The following MAN2A1 variants were observed in gnomAD, a reference collection of about 807,000 sequenced individuals.
The protein encoded by MAN2A1 is mannosidase alpha class 2A member 1.
A neutral mutation model predicts 142.6 loss-of-function variants in MAN2A1; 76 were observed. The ratio of observed to expected loss-of-function variants is 0.53; its 90% CI spans 0.44 to 0.65. The LOEUF is 0.65. Among genes scored for constraint, MAN2A1 ranks in the 30% least tolerant of loss-of-function variants. MAN2A1 has a pLI of 0.00. For missense variants in MAN2A1, 1,311 were observed against 1,365.1 expected, an observed-to-expected ratio of 0.96 and a Z score of 0.62; for synonymous variants, 559 against 473.2, an observed-to-expected ratio of 1.18 and a Z score of -2.35.
chr5:109,738,897 G>A (rs757115624), intron 4 of MAN2A1, among the ~76,000 whole-genome samples: 2 of 152,028 alleles, frequency 1.3e-5, no homozygotes, highest in Non-Finnish European at 2.9e-5. Flanking sequence ...AGGCTGGAGT[G>A]CAGTGGTATG....
chr5:109,755,010 A>G (rs1387773379), intron 4 of MAN2A1, among the ~76,000 whole-genome samples: 2 of 152,140 alleles, frequency 1.3e-5, no homozygotes, highest in Non-Finnish European at 2.9e-5. Flanking sequence ...TCAAATAAAT[A>G]AATAAATAAA....
intron 12 of MAN2A1, among the ~76,000 whole-genome samples, chr5:109,813,308 G>A (rs1486879871): frequency 6.6e-6 from 1 of 152,210 alleles, no homozygotes; most frequent in Non-Finnish European, 1.5e-5. Flanking sequence ...GCAACTAAGG[G>A]AATCTCCACA....
chr5:109,835,401 A>T (rs1308885883), intron 16 of MAN2A1, among the ~76,000 whole-genome samples: 2 of 152,240 alleles, frequency 1.3e-5, no homozygotes, highest in Non-Finnish European at 2.9e-5. Flanking sequence ...CCTTTGCCTG[A>T]GAGCCAGTAT....
intron 21 of MAN2A1, among the ~76,000 whole-genome samples, chr5:109,866,290 T>C (rs1306582769): frequency 6.6e-6 from 1 of 152,106 alleles, no homozygotes; most frequent in Non-Finnish European, 1.5e-5. Context: ...ATGGCAGCGG[T>C]GAGGGAAATA....
At chr5:109,722,738 G>T (rs766978681) in intron 3 of MAN2A1, among the ~76,000 whole-genome samples, 3 of 152,070 alleles carry the variant, frequency 2.0e-5, no homozygotes, top group Non-Finnish European at 2.9e-5. Context: ...CTTTAAGTTG[G>T]TTTCTTTTAG....
In MAN2A1 at chr5:109,690,013, G is replaced by T. The variant is rs560653994; in HGVS notation, c.-405G>T. On this transcript the variant is annotated 5_prime_UTR_variant, in exon 1 of 22. Coordinates refer to ENST00000261483, the MANE Select transcript of MAN2A1 (RefSeq NM_002372.4). Reference sequence around the variant, plus strand: ...CGCCTCCCCTGGGTGAGGAGGACACGCCTGCCCTCGTCGAGAAAACTTTTC... The same window carrying T: ...CGCCTCCCCTGGGTGAGGAGGACACTCCTGCCCTCGTCGAGAAAACTTTTC... 2.2e-4 allele frequency: 47 copies of T among 211,660 alleles called. No individual in the cohort carries two copies. Among genetic ancestry groups the T allele is most frequent in the African/African-American group, 1.0e-3 (42 of 41,988 alleles). The allele number at this position is 211,660 out of a possible 1,614,324, so 13.1% of individuals were successfully genotyped here. A position where few individuals can be genotyped will look rare whatever the true frequency, so the allele number is the denominator to read the frequency against.
intron 12 of MAN2A1, among the ~76,000 whole-genome samples, chr5:109,813,324 C>A (rs1225062580): frequency 3.3e-5 from 5 of 152,234 alleles, no homozygotes; most frequent in Non-Finnish European, 7.3e-5. Context: ...CCACAGGAAA[C>A]TTCAGCTGTC....
chr5:109,815,737 A>G (rs3797685), intron 12 of MAN2A1, among the ~76,000 whole-genome samples: 26,260 of 151,960 alleles, frequency 0.17, 3,225 homozygotes, highest in East Asian at 0.64. Context: ...TTGTAATGCA[A>G]TTAAAGCAAA....
At chr5:109,781,903 A>C (rs1474938652) in intron 9 of MAN2A1, among the ~76,000 whole-genome samples, 2 of 152,144 alleles carry the variant, frequency 1.3e-5, no homozygotes, top group African/African-American at 4.8e-5. Context: ...TGCACACCAT[A>C]TTAATATTCA....
chr5:109,778,733 A>G (rs1474767897), intron 8 of MAN2A1, among the ~76,000 whole-genome samples: 1 of 151,984 alleles, frequency 6.6e-6, no homozygotes, highest in Non-Finnish European at 1.5e-5. Context: ...TTAGTTCTTT[A>G]ATGTCTTCAA....
chr5:109,731,582 A>T (rs1188620749), intron 4 of MAN2A1, among the ~76,000 whole-genome samples: 4 of 136,528 alleles, frequency 2.9e-5, no homozygotes, highest in Non-Finnish European at 6.1e-5. Flanking sequence ...TCATTGTTCA[A>T]TTCCCACCTA....
chr5:109,777,531 C>T (rs1753328217), intron 8 of MAN2A1, among the ~76,000 whole-genome samples: 1 of 151,988 alleles, frequency 6.6e-6, no homozygotes, highest in Non-Finnish European at 1.5e-5. Flanking sequence ...TTCACTTTCT[C>T]ATGCTGTCTT....
At chr5:109,783,973 C>T (rs865986980) in intron 9 of MAN2A1, among the ~76,000 whole-genome samples, 30 of 151,870 alleles carry the variant, frequency 2.0e-4, no homozygotes, top group Admixed American at 2.6e-4. Context: ...TCAAGTGATC[C>T]TCCCACCTCA....
At chr5:109,697,695 A>G (rs547978313) in intron 1 of MAN2A1, among the ~76,000 whole-genome samples, 8 of 152,348 alleles carry the variant, frequency 5.3e-5, no homozygotes, top group African/African-American at 1.9e-4. Flanking sequence ...AAAACCTAAA[A>G]TATTTACTCT....
chr5:109,785,203 T>C (rs1357709079), intron 10 of MAN2A1, among the ~76,000 whole-genome samples: 1 of 152,092 alleles, frequency 6.6e-6, no homozygotes, highest in South Asian at 2.1e-4. Context: ...TTCTTCTAAA[T>C]AACAGTGTGG....
At chr5:109,748,934 A>C (rs1752477233) in intron 4 of MAN2A1, among the ~76,000 whole-genome samples, 1 of 151,482 alleles carries the variant, frequency 6.6e-6, no homozygotes, top group Admixed American at 6.6e-5. Context: ...TCTCCAGGAA[A>C]GGAATATGAA....
chr5:109,747,601 G>A (rs1752441298), intron 4 of MAN2A1, among the ~76,000 whole-genome samples: 1 of 152,058 alleles, frequency 6.6e-6, no homozygotes, highest in South Asian at 2.1e-4. Flanking sequence ...GGGAGAGGGT[G>A]GGTACAGCAG....
intron 3 of MAN2A1, among the ~76,000 whole-genome samples, chr5:109,726,624 T>G (rs563132940): frequency 1.6e-4 from 24 of 152,346 alleles, no homozygotes; most frequent in African/African-American, 5.8e-4. Flanking sequence ...GTGATTCCTC[T>G]GTGAAAACTC....
intron 16 of MAN2A1, chr5:109,840,732 G>A: frequency 2.7e-6 from 1 of 364,582 alleles, no homozygotes; most frequent in South Asian, 2.3e-5. Flanking sequence ...AAGGGGGATG[G>A]AAGGGAAACT....
Sources: gnomAD v4.1 joint callset for allele counts (sites outside exome capture counted in the v4.1 genomes callset) on GRCh38, gnomAD v4.1.1 for gene constraint, MANE v1.5 for transcripts, NCBI Gene and HGNC (gene_info 2026-07-23, HGNC 2026-07-21) for gene names.